Variants in PCCB observed in about 807,000 individuals in gnomAD.
The protein encoded by PCCB is propionyl-CoA carboxylase subunit beta, also known as propionyl-CoA carboxylase beta chain, mitochondrial.
A neutral mutation model predicts 60.7 loss-of-function variants in PCCB; 43 were observed. That is an observed-to-expected ratio of 0.71 (90% CI 0.55 to 0.91). The LOEUF is 0.91. Among genes scored for constraint, PCCB ranks in the 40% least tolerant of loss-of-function variants. PCCB has a pLI of 0.00. For missense variants in PCCB, 766 were observed against 702.8 expected, an observed-to-expected ratio of 1.09 and a Z score of -1.02; for synonymous variants, 276 against 255.9, an observed-to-expected ratio of 1.08 and a Z score of -0.75.
intron 9 of PCCB, among the ~76,000 whole-genome samples, chr3:136,310,097 G>C (rs949985133): frequency 2.0e-5 from 3 of 152,152 alleles, no homozygotes; most frequent in African/African-American, 7.2e-5. Context: ...AGGCAAGGTG[G>C]CTCACACCTG....
intron 3 of PCCB, among the ~76,000 whole-genome samples, chr3:136,258,999 C>A (rs1298090798): frequency 2.0e-5 from 3 of 152,018 alleles, no homozygotes; most frequent in Non-Finnish European, 4.4e-5. Flanking sequence ...CTATTGTCTC[C>A]TTGTTCTTAT....
intron 5 of PCCB, among the ~76,000 whole-genome samples, chr3:136,270,863 G>A (rs6808143): frequency 0.16 from 24,542 of 152,042 alleles, 3,213 homozygotes; most frequent in African/African-American, 0.37. Flanking sequence ...ATCTCATTGT[G>A]GTTTTCATTT....
At chr3:136,316,401 T>C (rs981458584) in intron 9 of PCCB, among the ~76,000 whole-genome samples, 1 of 152,102 alleles carries the variant, frequency 6.6e-6, no homozygotes, top group African/African-American at 2.4e-5. Flanking sequence ...CTGCAACCTC[T>C]GCCTTCCAGT....
intron 5 of PCCB, among the ~76,000 whole-genome samples, chr3:136,274,705 C>G (rs1942295938): frequency 6.6e-6 from 1 of 152,200 alleles, no homozygotes; most frequent in African/African-American, 2.4e-5. Flanking sequence ...CAATGATTCT[C>G]TCAAATAAGT....
At chr3:136,251,654 C>T (rs755893808) in intron 1 of PCCB, among the ~76,000 whole-genome samples, 2 of 152,106 alleles carry the variant, frequency 1.3e-5, no homozygotes, top group African/African-American at 4.8e-5. Context: ...CTAACCTACT[C>T]TGTTAGGGCT....
chr3:136,257,068 A>G (rs561505020), intron 3 of PCCB, among the ~76,000 whole-genome samples: 15 of 152,318 alleles, frequency 9.8e-5, no homozygotes, highest in African/African-American at 3.6e-4. Flanking sequence ...AGGGTGCATC[A>G]AGACAGATAC....
intron 1 of PCCB, chr3:136,251,185 G>C (rs1404170821): frequency 6.6e-6 from 3 of 456,272 alleles, no homozygotes; most frequent in Non-Finnish European, 8.8e-6. Context: ...GGCTACTCTC[G>C]ATGTTTGGCT....
At chr3:136,250,599 C>A in intron 1 of PCCB, 41 bp downstream of exon 1, 1 of 1,573,942 alleles carries the variant, frequency 6.4e-7, no homozygotes, top group Non-Finnish European at 8.6e-7. Context: ...CCCCTGGCGT[C>A]CGCGACCTAT....
intron 8 of PCCB, among the ~76,000 whole-genome samples, chr3:136,300,048 CCA>C (rs566173418): frequency 1.6e-4 from 24 of 151,194 alleles, no homozygotes; most frequent in East Asian, 1.2e-3. Flanking sequence ...ATATGCATGC[CCA>C]CACACATGCA....
At chr3:136,327,087 A>T (rs1220671741) in intron 11 of PCCB, 68 bp from the exon 12 acceptor site, 1 of 1,458,800 alleles carries the variant, frequency 6.9e-7, no homozygotes, top group Non-Finnish European at 9.6e-7. Flanking sequence ...GAAAGACCTC[A>T]CAGCTGAGAG....
intron 5 of PCCB, among the ~76,000 whole-genome samples, chr3:136,266,783 A>G (rs1032504390): frequency 6.6e-6 from 1 of 152,122 alleles, no homozygotes; most frequent in Non-Finnish European, 1.5e-5. Context: ...AGAGTTCTTC[A>G]TATATTCTGG....
rs1196995378 is a variant in PCCB, at chr3:136,250,432, C to T, written c.57C>T (p.Ser19=). 4 of 1,592,812 alleles carry T rather than the reference C, an allele frequency of 2.5e-6. No homozygotes were observed. The Admixed American group carries it at 5.3e-5, about 21-fold the overall frequency. The part of the protein sequence containing the change: ...AVGARLSVLA[S]GLRAAVRSLC... ...GGGCAAGGCTCAGCGTTCTGGCGAG[C>T]GGTCTCCGCGCCGCGGTCCGCAGCC... Residue 19 remains serine (S), a synonymous_variant, in exon 1 of 15, where the codon AGC becomes AGT. Coordinates refer to ENST00000251654, the MANE Select transcript of PCCB (RefSeq NM_000532.5).
chr3:136,318,310 T>C lies in PCCB; in HGVS notation c.1090+1246T>C, dbSNP rs147221106. Reference sequence around the variant, plus strand: ...TGTAGTGAGCCGGGGATTGTGTCACTGCCCGGGAGGCAGAAGTTACAGTGA... The same window carrying C: ...TGTAGTGAGCCGGGGATTGTGTCACCGCCCGGGAGGCAGAAGTTACAGTGA... On this transcript the variant is annotated intron_variant, in intron 10 of 14. Coordinates refer to ENST00000251654, the MANE Select transcript of PCCB (RefSeq NM_000532.5). Among the ~76,000 whole-genome samples, 186 of 152,188 alleles carry C rather than the reference T, an allele frequency of 1.2e-3. 1 individual carries two copies. Among genetic ancestry groups the C allele is most frequent in the African/African-American group, 4.1e-3 (171 of 41,528 alleles).
intron 5 of PCCB, among the ~76,000 whole-genome samples, chr3:136,272,170 T>G (rs888429105): frequency 4.6e-5 from 7 of 152,216 alleles, no homozygotes; most frequent in Admixed American, 2.0e-4. Context: ...ATTTATTGAC[T>G]TGCATATGTT....
intron 9 of PCCB, among the ~76,000 whole-genome samples, chr3:136,310,618 T>C (rs183836918): frequency 1.0e-3 from 157 of 152,288 alleles, no homozygotes; most frequent in Middle Eastern, 3.4e-3. Flanking sequence ...TTCCAGAGCA[T>C]AGAAAGTAAA....
intron 5 of PCCB, among the ~76,000 whole-genome samples, chr3:136,274,925 C>CTCTGCCTCCTGAGTA (rs1942301866): frequency 1.3e-5 from 2 of 152,008 alleles, no homozygotes; most frequent in South Asian, 4.2e-4. Context: ...ATCCTCACAC[C>CTCTGCCTCCTGAGTA]TCTGCCTCCT....
intron 3 of PCCB, among the ~76,000 whole-genome samples, chr3:136,256,983 A>C (rs1359880871): frequency 6.6e-6 from 1 of 152,196 alleles, no homozygotes; most frequent in African/African-American, 2.4e-5. Flanking sequence ...GCAGCCTCGC[A>C]AAGGGGACTT....
At chr3:136,323,028 G>T (rs1398125004) in intron 10 of PCCB, among the ~76,000 whole-genome samples, 1 of 138,522 alleles carries the variant, frequency 7.2e-6, no homozygotes, top group Non-Finnish European at 1.5e-5. Context: ...CTGCTTTTAA[G>T]ATTCTCTTTT....
rs561859545 is a variant in PCCB, at chr3:136,305,390, A to G, written c.966+4279A>G. ...TAGAGGTGTAAGCCACTGCACCTAG[A>G]CCATATATTTACTTTTAACTCAAAA... On this transcript the variant is annotated intron_variant, in intron 9 of 14. Transcript: ENST00000251654. 2.4e-4 allele frequency among the ~76,000 whole-genome samples: 29 copies of G among 121,776 alleles called. 7 individuals are homozygous for G. Among genetic ancestry groups the G allele is most frequent in the Non-Finnish European group, 4.2e-4 (23 of 54,660 alleles). 79.9% of individuals were successfully genotyped at this position (121,776 alleles called of 152,430 possible).
Sources: gnomAD v4.1 joint callset for allele counts (sites outside exome capture counted in the v4.1 genomes callset) on GRCh38, gnomAD v4.1.1 for gene constraint, MANE v1.5 for transcripts, NCBI Gene and HGNC (gene_info 2026-07-23, HGNC 2026-07-21) for gene names.